Variants in ULK4 observed in about 807,000 individuals in gnomAD.
The protein encoded by ULK4 is unc-51 like kinase 4.
In ULK4, 133 loss-of-function variants were observed where a neutral mutation model predicts 160.6. The observed-to-expected ratio is 0.83, with a 90% confidence interval of 0.72 to 0.96. ULK4 has a LOEUF of 0.96. ULK4 is among the 40% of genes least tolerant of loss of function. The probability of loss-of-function intolerance (pLI) is 0.00; values close to 1 mark genes in which losing one functional copy is unlikely to be tolerated. For missense variants in ULK4, 1,580 were observed against 1,499.5 expected (o/e 1.05, Z -0.89); for synonymous variants, 534 against 539.8 (o/e 0.99, Z 0.15).
At chr3:41,884,083 C>G (rs1310796450) in intron 16 of ULK4, 131 bp from the exon 17 acceptor site, 1 of 686,088 alleles carries the variant, frequency 1.5e-6, no homozygotes. Context: ...TGTGACAGGT[C>G]AGGCCCACAC....
intron 27 of ULK4, among the ~76,000 whole-genome samples, chr3:41,697,379 A>G (rs567860789): frequency 2.6e-5 from 4 of 151,126 alleles, no homozygotes; most frequent in Admixed American, 2.0e-4. Context: ...TTTTGTCTTC[A>G]TTTTTAACAA....
intron 34 of ULK4, among the ~76,000 whole-genome samples, chr3:41,454,208 A>C (rs528066964): frequency 1.3e-5 from 2 of 150,302 alleles, no homozygotes; most frequent in South Asian, 4.3e-4. Context: ...GAAAAATTCC[A>C]TTTAAGAAAG....
chr3:41,707,379 A>C (rs1315005761), intron 25 of ULK4, among the ~76,000 whole-genome samples: 1 of 152,208 alleles, frequency 6.6e-6, no homozygotes, highest in Non-Finnish European at 1.5e-5. Flanking sequence ...GATTACATCA[A>C]CATAAAAAGC....
intron 35 of ULK4, among the ~76,000 whole-genome samples, chr3:41,268,079 G>A (rs1180825678): frequency 3.9e-5 from 6 of 152,154 alleles, no homozygotes; most frequent in African/African-American, 1.4e-4. Context: ...TCACAACTGG[G>A]GATAAGGGGA....
At chr3:41,305,011 C>A (rs1235825552) in intron 35 of ULK4, among the ~76,000 whole-genome samples, 1 of 152,160 alleles carries the variant, frequency 6.6e-6, no homozygotes, top group Non-Finnish European at 1.5e-5. Flanking sequence ...AGGGTGCACA[C>A]ACTGGGCCAC....
intron 22 of ULK4, among the ~76,000 whole-genome samples, chr3:41,725,043 T>C (rs2037601933): frequency 6.6e-6 from 1 of 152,350 alleles, no homozygotes; most frequent in East Asian, 1.9e-4. Flanking sequence ...TGATTATGAA[T>C]GTCTCTTACT....
intron 17 of ULK4, chr3:41,882,382 G>A (rs1356082253): frequency 3.2e-5 from 21 of 663,738 alleles, no homozygotes; most frequent in Middle Eastern, 3.9e-4. Flanking sequence ...CAGGGTGGTC[G>A]TAGTATTCTT....
chr3:41,616,992 CCT>C (rs1231789153), intron 30 of ULK4, among the ~76,000 whole-genome samples: 4 of 152,130 alleles, frequency 2.6e-5, no homozygotes, highest in Non-Finnish European at 5.9e-5. Context: ...GTGGTTTTTC[CCT>C]GACAGTGCTA....
chr3:41,658,571 T>A (rs2035026004), intron 30 of ULK4, among the ~76,000 whole-genome samples: 1 of 152,204 alleles, frequency 6.6e-6, no homozygotes, highest in Admixed American at 6.5e-5. Context: ...AGGGGACTTG[T>A]TAAATCAATA....
rs1458394586 is a variant in ULK4, at chr3:41,789,659, A to C, written c.2193+2T>G. Reference sequence around the variant, plus strand: ...GAGTAACAGGTAAAATCTAAGTCAAACCTTTTCTTGGATTAGTCTTTGAAG... The same window carrying C: ...GAGTAACAGGTAAAATCTAAGTCAACCCTTTTCTTGGATTAGTCTTTGAAG... On this transcript the variant is annotated splice_donor_variant, in intron 21 of 36. Transcript: ENST00000301831. LOFTEE classifies it high-confidence loss of function. The C allele has an allele frequency of 6.4e-7, 1 of 1,564,568 alleles. No individual in the cohort carries two copies. Among genetic ancestry groups the C allele is most frequent in the Non-Finnish European group, 8.6e-7 (1 of 1,157,084 alleles).
At chr3:41,747,684 G>T (rs796461639) in intron 22 of ULK4, among the ~76,000 whole-genome samples, 1 of 152,020 alleles carries the variant, frequency 6.6e-6, no homozygotes, top group Non-Finnish European at 1.5e-5. Context: ...CATGTGGGGG[G>T]GCACCTAATC....
intron 17 of ULK4, among the ~76,000 whole-genome samples, chr3:41,881,057 T>C (rs1278060794): frequency 6.6e-6 from 1 of 152,220 alleles, no homozygotes; most frequent in African/African-American, 2.4e-5. Context: ...TTACTGATTA[T>C]TGAAAAATTA....
chr3:41,474,662 A>C (rs1403017703), intron 32 of ULK4, among the ~76,000 whole-genome samples: 1 of 151,898 alleles, frequency 6.6e-6, no homozygotes, highest in Non-Finnish European at 1.5e-5. Flanking sequence ...CTACAGAAAA[A>C]CATTCTGATT....
Position 41,938,186 on chromosome 3 carries a change from G to A in ULK4, c.150C>T (p.Thr50=), listed in dbSNP as rs1477820407. The A allele has an allele frequency of 1.9e-6, 3 of 1,611,318 alleles. No individual in the cohort carries two copies. The African/African-American group carries it at 4.0e-5, about 22-fold the overall frequency. The part of the protein sequence containing the change: ...RPEITNWVRL[T]REIKHKNIVT... ...CAATATTCTTGTGTTTTATTTCACG[G>A]GTGAGACGGACCTATAAAAACACAG... Residue 50 remains threonine (T), a synonymous_variant, in exon 3 of 37, where the codon ACC becomes ACT. Transcript: ENST00000301831.
At chr3:41,384,927 T>C (rs12715367) in intron 35 of ULK4, among the ~76,000 whole-genome samples, 25,874 of 152,048 alleles carry the variant, frequency 0.17, 2,357 homozygotes, top group Admixed American at 0.21. Flanking sequence ...TGCTGGTGCA[T>C]GCCTGTAGTC....
At chr3:41,646,430 T>G (rs1319860902) in intron 30 of ULK4, among the ~76,000 whole-genome samples, 1 of 152,196 alleles carries the variant, frequency 6.6e-6, no homozygotes. Context: ...TGTAAAGTGT[T>G]TTATTTCTCC....
intron 35 of ULK4, among the ~76,000 whole-genome samples, chr3:41,374,013 A>G (rs2081426187): frequency 6.6e-6 from 1 of 152,252 alleles, no homozygotes; most frequent in Non-Finnish European, 1.5e-5. Flanking sequence ...AAACACCTCT[A>G]CGCAAATAAA....
intron 17 of ULK4, among the ~76,000 whole-genome samples, chr3:41,858,074 A>T (rs1176398570): frequency 2.0e-5 from 3 of 148,690 alleles, no homozygotes; most frequent in Non-Finnish European, 3.0e-5. Flanking sequence ...CCTCTTTTTG[A>T]CGTAGGCACT....
chr3:41,473,281 G>A (rs2084040851), intron 32 of ULK4, among the ~76,000 whole-genome samples: 1 of 152,020 alleles, frequency 6.6e-6, no homozygotes, highest in Non-Finnish European at 1.5e-5. Context: ...CATCCATAAA[G>A]GAAAAAGTAG....
Sources: allele counts gnomAD v4.1 joint callset (sites outside exome capture counted in the v4.1 genomes callset), GRCh38; gene constraint gnomAD v4.1.1; transcripts MANE v1.5; gene names NCBI Gene and HGNC (gene_info 2026-07-23, HGNC 2026-07-21).